The following SLC25A42 variants were observed in gnomAD, a reference collection of about 807,000 sequenced individuals.
SLC25A42 encodes solute carrier family 25 member 42.
In SLC25A42, 19 loss-of-function variants were observed where a neutral mutation model predicts 34.7. The observed-to-expected ratio is 0.55, with a 90% CI of 0.38 to 0.80. SLC25A42 has a LOEUF of 0.80. Ranked by LOEUF, SLC25A42 falls within the 30% of genes least tolerant of loss-of-function variation. The probability of loss-of-function intolerance (pLI) is 0.00; values close to 1 mark genes in which losing one functional copy is unlikely to be tolerated. For missense variants in SLC25A42, 364 were observed against 441.3 expected (o/e 0.82, Z 1.57); for synonymous variants, 205 against 191.2 (o/e 1.07, Z -0.59).
At chr19:19,072,070 C>T (rs925295011) in intron 1 of SLC25A42, among the ~76,000 whole-genome samples, 2 of 152,054 alleles carry the variant, frequency 1.3e-5, no homozygotes, top group Admixed American at 1.3e-4. Context: ...CCAGGCTGAT[C>T]TCCAATTCCT....
Position 19,109,890 on chromosome 19 carries a change from G to A in SLC25A42, c.650-679G>A, listed in dbSNP as rs1346868469. Reference sequence around the variant, plus strand: ...GTTCATGGTCACTTATGTCCACTCTGTGCAACAGCTCGCAGGGGCTCCCCA... The same window carrying A: ...GTTCATGGTCACTTATGTCCACTCTATGCAACAGCTCGCAGGGGCTCCCCA... On this transcript the variant is annotated intron_variant, in intron 7 of 7. Coordinates refer to ENST00000318596, the MANE Select transcript of SLC25A42 (RefSeq NM_178526.5). The surrounding 1 kb of genome is among the most constrained non-coding windows in gnomAD (Gnocchi z 4.1). Among the ~76,000 whole-genome samples the A allele has an allele frequency of 6.6e-6, 1 of 152,192 alleles. No homozygotes were observed. Among genetic ancestry groups the A allele is most frequent in the Non-Finnish European group, 1.5e-5 (1 of 68,038 alleles).
intron 1 of SLC25A42, among the ~76,000 whole-genome samples, chr19:19,090,647 AAACAACAAC>A (rs139435874): frequency 7.2e-5 from 11 of 151,848 alleles, no homozygotes; most frequent in East Asian, 1.9e-4. Flanking sequence ...CCCCGTCTCA[AAACAACAAC>A]AACAACAACA....
intron 4 of SLC25A42, 98 bp from the exon 5 acceptor site, chr19:19,105,463 G>A (rs1302347314): frequency 2.1e-6 from 3 of 1,451,376 alleles, no homozygotes; most frequent in Non-Finnish European, 2.8e-6. Flanking sequence ...GGGTCACCCC[G>A]GCCCCGCCTC....
chr19:19,066,641 C>T (rs1487724871), intron 1 of SLC25A42, among the ~76,000 whole-genome samples: 3 of 151,742 alleles, frequency 2.0e-5, no homozygotes, highest in Non-Finnish European at 2.9e-5. Context: ...TTAGTAGAGA[C>T]GGGGTTTCAC....
Position 19,105,445 on chromosome 19 carries a change from T to G in SLC25A42, c.214-116T>G, listed in dbSNP as rs1284338982. ...TGGGGGTGGGGTTATGTGCTGTGCA[T>G]GGAGATGGGGTCACCCCGGCCCCGC... On this transcript the variant is annotated intron_variant, in intron 4 of 7. Coordinates refer to ENST00000318596, the MANE Select transcript of SLC25A42 (RefSeq NM_178526.5). 3.1e-5 allele frequency: 39 copies of G among 1,262,928 alleles called. 1 individual carries two copies. The highest frequency in any genetic ancestry group is 4.1e-5 in the Non-Finnish European group (37 of 913,148). The allele number at this position is 1,262,928 out of a possible 1,614,324, so 78.2% of individuals were successfully genotyped here.
rs1277102222 is a variant in SLC25A42 at position 19,107,877 on chromosome 19, C to T, written c.498-17C>T. On this transcript the variant is annotated splice_polypyrimidine_tract_variant and intron_variant, in intron 6 of 7. Transcript: ENST00000318596. ...GGAGGCCTGAGTCCCACCTGCTGGG[C>T]TGCTCTGTCCTGGCAGGTACAGCAA... The T allele has an allele frequency of 1.2e-6, 2 of 1,613,646 alleles. No individual in the cohort carries two copies. Among genetic ancestry groups the T allele is most frequent in the African/African-American group, 1.3e-5 (1 of 74,906 alleles).
intron 3 of SLC25A42, among the ~76,000 whole-genome samples, chr19:19,103,826 G>A (rs1019260565): frequency 2.6e-5 from 4 of 152,168 alleles, no homozygotes; most frequent in Admixed American, 6.5e-5. Context: ...ATGGATATCC[G>A]CTTCCTCCTT....
At chr19:19,098,259 G>C (rs2059776158) in intron 2 of SLC25A42, among the ~76,000 whole-genome samples, 1 of 152,138 alleles carries the variant, frequency 6.6e-6, no homozygotes, top group African/African-American at 2.4e-5. Context: ...GCCACTGGTG[G>C]CTACCTGGAG....
chr19:19,067,291 C>T (rs2059607707), intron 1 of SLC25A42, among the ~76,000 whole-genome samples: 1 of 152,080 alleles, frequency 6.6e-6, no homozygotes, highest in South Asian at 2.1e-4. Context: ...GACTAAAGTT[C>T]AAGAAATATT....
rs370877283 is a variant in SLC25A42 at position 19,105,013 on chromosome 19, T to C, written c.213+75T>C. ...GATGGGCTGGCAGGAGTTAGGCAGG[T>C]GGTCTGAGGAGAGTCTCAGGGGTGG... is the stretch of plus-strand genomic sequence containing the variant. On this transcript the variant is annotated intron_variant, in intron 4 of 7. Coordinates refer to ENST00000318596, the MANE Select transcript of SLC25A42 (RefSeq NM_178526.5). 42 of 1,563,816 alleles carry C rather than the reference T, an allele frequency of 2.7e-5. No individual in the cohort carries two copies. In the Admixed American group the frequency reaches 3.5e-4, roughly 13 times the overall value.
intron 1 of SLC25A42, among the ~76,000 whole-genome samples, chr19:19,068,620 A>G (rs1394563903): frequency 6.6e-6 from 1 of 151,996 alleles, no homozygotes; most frequent in Non-Finnish European, 1.5e-5. Flanking sequence ...GCGAGCCAAG[A>G]TCGTGCCACT....
intron 1 of SLC25A42, among the ~76,000 whole-genome samples, chr19:19,075,440 C>T (rs185885009): frequency 2.6e-5 from 4 of 152,314 alleles, no homozygotes; most frequent in Admixed American, 2.6e-4. Flanking sequence ...TGGGGCTGGC[C>T]CCCCTCTGCC....
chr19:19,067,871 C>T (rs768553830), intron 1 of SLC25A42, among the ~76,000 whole-genome samples: 98 of 152,116 alleles, frequency 6.4e-4, no homozygotes, highest in Non-Finnish European at 2.1e-4. Flanking sequence ...TGGAGGGTGT[C>T]GTCATACTGA....
chr19:19,088,650 C>T (rs1056539194), intron 1 of SLC25A42, among the ~76,000 whole-genome samples: 7 of 150,756 alleles, frequency 4.6e-5, no homozygotes, highest in African/African-American at 1.7e-4. Context: ...CTACCACACC[C>T]GACTAATTTT....
At position 19,110,588 on chromosome 19, in the gene SLC25A42, G is replaced by A; in HGVS notation, c.669G>A (p.Gln223=). The change falls in exon 8 of 8, where the codon CAG becomes CAA. Residue 223 remains glutamine (Q), a synonymous_variant. Coordinates refer to ENST00000318596, the MANE Select transcript of SLC25A42 (RefSeq NM_178526.5). ...SLHREYSGRR[Q]PYPFERMIFG... ...CTGCAGAGTACAGCGGCCGCCGGCA[G>A]CCCTACCCCTTCGAGCGCATGATCT... The A allele has an allele frequency of 6.8e-7, 1 of 1,467,006 alleles. No individual in the cohort carries two copies. The allele number at this position is 1,467,006 out of a possible 1,614,324, so 90.9% of individuals were successfully genotyped here.
chr19:19,070,924 C>G (rs994966629), intron 1 of SLC25A42, among the ~76,000 whole-genome samples: 3 of 152,068 alleles, frequency 2.0e-5, no homozygotes. Context: ...TCACCTGTCT[C>G]CCTCGGAAGG....
intron 7 of SLC25A42, among the ~76,000 whole-genome samples, chr19:19,108,540 C>A (rs1185844839): frequency 1.3e-5 from 1 of 76,432 alleles, no homozygotes; most frequent in Admixed American, 1.6e-4. Context: ...CAAAGTGAGA[C>A]CCTGTCTCAA....
At chr19:19,090,942 G>C (rs1162510404) in intron 1 of SLC25A42, among the ~76,000 whole-genome samples, 2 of 152,174 alleles carry the variant, frequency 1.3e-5, no homozygotes, top group Non-Finnish European at 2.9e-5. Flanking sequence ...CCCGGGGTCC[G>C]GGATGTCACA....
chr19:19,107,805 C>G, intron 6 of SLC25A42, 89 bp from the exon 7 acceptor site: 10 of 1,417,140 alleles, frequency 7.1e-6, no homozygotes, highest in Non-Finnish European at 9.8e-6. Flanking sequence ...CAGGCCCAGC[C>G]GGCTTCGGGA....
Sources: allele counts gnomAD v4.1 joint callset (sites outside exome capture counted in the v4.1 genomes callset), GRCh38; gene constraint gnomAD v4.1.1; non-coding constraint Gnocchi (gnomAD v3.1); transcripts MANE v1.5; gene names NCBI Gene and HGNC (gene_info 2026-07-23, HGNC 2026-07-21).